Variants in GLIS3 observed in about 807,000 individuals in gnomAD.
GLIS3 encodes GLIS family zinc finger 3, also known as zinc finger protein GLIS3.
In GLIS3, 53 loss-of-function variants were observed where a neutral mutation model predicts 78.6. The ratio of observed to expected loss-of-function variants is 0.67; its 90% CI spans 0.54 to 0.85. GLIS3 has a LOEUF of 0.85. GLIS3 is among the 40% of genes least tolerant of loss of function. The pLI is 0.00. For synonymous variants in GLIS3, 684 were observed against 509.9 expected (o/e 1.34, Z -4.60); for missense variants, 1,703 against 1,231.1 (o/e 1.38, Z -5.74).
At chr9:4,317,396 C>T (rs541395648) in intron 2 of GLIS3, among the ~76,000 whole-genome samples, 22 of 152,324 alleles carry the variant, frequency 1.4e-4, no homozygotes, top group African/African-American at 4.8e-4. Context: ...CCTCCACACA[C>T]ATTTCCCGAG....
chr9:4,412,709 A>C, the GLIS3 span, among the ~76,000 whole-genome samples: 4 of 152,190 alleles, frequency 2.6e-5, no homozygotes, highest in Admixed American at 2.6e-4. Flanking sequence ...CTGGGCCAGT[A>C]ACTAGTCTAC....
chr9:4,485,722 T>TTC, the GLIS3 span, among the ~76,000 whole-genome samples: 2 of 151,400 alleles, frequency 1.3e-5, no homozygotes, highest in African/African-American at 4.9e-5. Flanking sequence ...GCCTCTGCTT[T>TTC]TTTTTTTTTT....
At chr9:4,086,314 A>G (rs1829017216) in intron 4 of GLIS3, among the ~76,000 whole-genome samples, 2 of 152,126 alleles carry the variant, frequency 1.3e-5, no homozygotes, top group Non-Finnish European at 2.9e-5. Flanking sequence ...CCCTGGGGCA[A>G]TGAGTCATTC....
intron 4 of GLIS3, among the ~76,000 whole-genome samples, chr9:4,108,740 A>C (rs574094639): frequency 1.3e-5 from 2 of 152,208 alleles, no homozygotes; most frequent in African/African-American, 4.8e-5. Flanking sequence ...CACAGAAAAG[A>C]TAACTGTCTG....
At chr9:4,322,866 G>A (rs1008453288) in intron 2 of GLIS3, among the ~76,000 whole-genome samples, 5 of 152,160 alleles carry the variant, frequency 3.3e-5, no homozygotes, top group Admixed American at 6.5e-5. Flanking sequence ...TAGGTTGCCT[G>A]TTCACTCTGA....
At chr9:4,141,326 G>A (rs1381549855) in intron 2 of GLIS3, among the ~76,000 whole-genome samples, 2 of 152,148 alleles carry the variant, frequency 1.3e-5, no homozygotes, top group Non-Finnish European at 2.9e-5. Context: ...AGGTATGGCT[G>A]CCTGGCCAAA....
chr9:3,888,873 T>C (rs998923830), intron 7 of GLIS3, among the ~76,000 whole-genome samples: 2 of 152,160 alleles, frequency 1.3e-5, no homozygotes, highest in Non-Finnish European at 2.9e-5. Flanking sequence ...GAATGGAGGG[T>C]TCAGCCTTCA....
the GLIS3 span, among the ~76,000 whole-genome samples, chr9:4,431,812 C>CAA: frequency 6.7e-6 from 1 of 150,198 alleles, no homozygotes; most frequent in Non-Finnish European, 1.5e-5. Context: ...CCATTGCACT[C>CAA]CAGCCTGGGC....
intron 2 of GLIS3, among the ~76,000 whole-genome samples, chr9:4,245,297 G>T (rs1004403413): frequency 1.3e-5 from 2 of 152,180 alleles, no homozygotes; most frequent in Admixed American, 1.3e-4. Context: ...ACAGCCCTCA[G>T]CATTCCACAC....
intron 2 of GLIS3, among the ~76,000 whole-genome samples, chr9:4,136,551 A>G (rs761025736): frequency 1.3e-5 from 2 of 152,238 alleles, no homozygotes; most frequent in African/African-American, 2.4e-5. Context: ...TATTTAAAGT[A>G]CATTTGTTTA....
the GLIS3 span, among the ~76,000 whole-genome samples, chr9:4,390,914 T>C: frequency 3.3e-5 from 5 of 152,200 alleles, no homozygotes; most frequent in Non-Finnish European, 7.4e-5. Flanking sequence ...AAAAAGTTAA[T>C]GCCCTTTCTT....
chr9:4,478,438 C>T, the GLIS3 span, among the ~76,000 whole-genome samples: 28 of 152,102 alleles, frequency 1.8e-4, no homozygotes, highest in Admixed American at 6.6e-4. Context: ...TGGTGAAACC[C>T]CCTCTCTACT....
intron 2 of GLIS3, among the ~76,000 whole-genome samples, chr9:4,251,416 C>T (rs570314024): frequency 7.1e-6 from 1 of 140,280 alleles, no homozygotes; most frequent in East Asian, 2.2e-4. Flanking sequence ...TTATTAGAGA[C>T]TAGGATTGCA....
intron 6 of GLIS3, among the ~76,000 whole-genome samples, chr9:3,903,444 G>T (rs1191108819): frequency 6.6e-6 from 1 of 152,214 alleles, no homozygotes; most frequent in Non-Finnish European, 1.5e-5. Flanking sequence ...TCAAAGGACT[G>T]CCGTGTTGCA....
intron 2 of GLIS3, among the ~76,000 whole-genome samples, chr9:4,153,018 G>A (rs1384886081): frequency 6.6e-6 from 1 of 152,120 alleles, no homozygotes; most frequent in East Asian, 1.9e-4. Context: ...GAGCAGGAGT[G>A]CTCTGTGCAT....
chr9:4,204,100 G>C (rs1225668921), intron 2 of GLIS3, among the ~76,000 whole-genome samples: 5 of 152,062 alleles, frequency 3.3e-5, no homozygotes, highest in African/African-American at 9.7e-5. Context: ...TATAAAAGTT[G>C]AAATTACTTA....
chr9:4,472,946 A>G, the GLIS3 span, among the ~76,000 whole-genome samples: 1 of 152,220 alleles, frequency 6.6e-6, no homozygotes, highest in African/African-American at 2.4e-5. Context: ...TTTAAAAAAT[A>G]CTGTTTACAT....
intron 4 of GLIS3, among the ~76,000 whole-genome samples, chr9:4,099,452 C>G (rs529269753): frequency 7.8e-6 from 1 of 128,812 alleles, no homozygotes; most frequent in African/African-American, 3.2e-5. Context: ...TCACCTTCCC[C>G]CAATGCACAC....
intron 4 of GLIS3, among the ~76,000 whole-genome samples, chr9:3,972,732 T>C (rs1252335582): frequency 6.6e-6 from 1 of 152,226 alleles, no homozygotes; most frequent in Admixed American, 6.5e-5. Context: ...GTGTTTAGTT[T>C]ATATATTTAC....
Sources: allele counts gnomAD v4.1 joint callset (sites outside exome capture counted in the v4.1 genomes callset), GRCh38; gene constraint gnomAD v4.1.1; transcripts MANE v1.5; gene names NCBI Gene and HGNC (gene_info 2026-07-23, HGNC 2026-07-21).